Variants in CIITA observed in about 807,000 individuals in gnomAD.
CIITA encodes the protein MHC class II transactivator.
CIITA carries 72 observed loss-of-function variants against 115.1 expected under a neutral mutation model. The ratio of observed to expected loss-of-function variants is 0.63; its 90% confidence interval spans 0.52 to 0.76. CIITA has a LOEUF of 0.76. CIITA is among the 30% of genes least tolerant of loss of function. The pLI is 0.00. For missense variants in CIITA, 1,617 were observed against 1,463.8 expected, an observed-to-expected ratio of 1.10 and a Z score of -1.71; for synonymous variants, 763 against 635.6, an observed-to-expected ratio of 1.20 and a Z score of -3.02.
rs1264905958 is a variant in CIITA, at chr16:10,907,649, C to A, written c.2157C>A (p.Ala719=). ...PSFLLQCFLG[A]LWLALSGEIK... ...TCCTCCTGCAATGCTTCCTGGGGGC[C>A]CTGTGGCTGGCTCTGAGTGGCGAAA... The change falls in exon 11 of 20, where the codon GCC becomes GCA. Residue 719 remains alanine, a synonymous_variant. Transcript: ENST00000324288. This position sits in a 1 kb window ranked among gnomAD's most constrained non-coding sequence, Gnocchi z 5.0. The A allele has an allele frequency of 1.9e-6, 3 of 1,614,228 alleles. No individual in the cohort carries two copies. The highest frequency in any genetic ancestry group is 2.5e-6 in the Non-Finnish European group (3 of 1,180,040).
chr16:10,867,622 G>A (rs746453792), intron 1 of CIITA, among the ~76,000 whole-genome samples: 53 of 152,212 alleles, frequency 3.5e-4, no homozygotes, highest in Non-Finnish European at 6.5e-4. Flanking sequence ...TTTTAAGAGC[G>A]TTGGTGGCAC....
chr16:10,899,874 G>A (rs542179568), intron 5 of CIITA, among the ~76,000 whole-genome samples: 1 of 152,182 alleles, frequency 6.6e-6, no homozygotes, highest in Non-Finnish European at 1.5e-5. Flanking sequence ...GAGGTCAGGA[G>A]TTTGATACCT....
At chr16:10,875,026 T>A (rs147488880), upstream of CIITA, among the ~76,000 whole-genome samples, 855 of 150,078 alleles carry the variant, frequency 5.7e-3, 8 homozygotes, top group African/African-American at 0.02. Context: ...TTGAGTGCAG[T>A]GGCACTATCT....
intron 12 of CIITA, 131 bp from the exon 13 acceptor site, chr16:10,910,057 G>C: frequency 1.4e-6 from 1 of 735,718 alleles, no homozygotes; most frequent in Non-Finnish European, 2.4e-6. Context: ...TTAAGAGGGG[G>C]ACAACAGTTG....
intron 1 of CIITA, among the ~76,000 whole-genome samples, chr16:10,870,285 G>A (rs2035394272): frequency 6.6e-6 from 1 of 150,888 alleles, no homozygotes; most frequent in South Asian, 2.1e-4. Context: ...ACTGAAACCA[G>A]CCTGATGATT....
At chr16:10,904,904 C>G in intron 10 of CIITA, 92 bp downstream of exon 10, 1 of 1,312,636 alleles carries the variant, frequency 7.6e-7, no homozygotes, top group South Asian at 1.2e-5. Context: ...CTTATTCAAC[C>G]CCTTCTTTGT....
Position 10,879,526 on chromosome 16 carries a change from G to T in CIITA, c.52+2144G>T, listed in dbSNP as rs1013052594. On this transcript the variant is annotated intron_variant, in intron 1 of 19. Coordinates refer to ENST00000324288, the MANE Select transcript of CIITA (RefSeq NM_000246.4). The surrounding 1 kb of genome is among the most constrained non-coding windows in gnomAD (Gnocchi z 4.3). ...ATCTTGGGTATTGGGCTCTCCAGGCGGGGGGCCCTGCTCAGGGAGGCAGTA... is the reference window on the plus strand; with the variant it reads ...ATCTTGGGTATTGGGCTCTCCAGGCTGGGGGCCCTGCTCAGGGAGGCAGTA... Among the ~76,000 whole-genome samples the T allele has an allele frequency of 3.3e-5, 5 of 152,016 alleles. No individual in the cohort carries two copies. The highest frequency in any genetic ancestry group is 4.8e-5 in the African/African-American group (2 of 41,406).
In CIITA at chr16:10,879,697, T is replaced by G. The variant is rs941775136; in HGVS notation, c.52+2315T>G. Among the ~76,000 whole-genome samples, 1 of 152,198 alleles carries G rather than the reference T, an allele frequency of 6.6e-6. No individual in the cohort carries two copies. Among genetic ancestry groups the G allele is most frequent in the Non-Finnish European group, 1.5e-5 (1 of 68,020 alleles). ...TGATCTCTCACTTCTCTACCTCGCTTTGGGGCCCTGAGTCACACCCTCTAA... is the reference window on the plus strand; with the variant it reads ...TGATCTCTCACTTCTCTACCTCGCTGTGGGGCCCTGAGTCACACCCTCTAA... On this transcript the variant is annotated intron_variant, in intron 1 of 19. Coordinates refer to ENST00000324288, the MANE Select transcript of CIITA (RefSeq NM_000246.4). The surrounding 1 kb of genome is among the most constrained non-coding windows in gnomAD (Gnocchi z 4.3).
At chr16:10,871,603 G>C (rs1215954817) in intron 1 of CIITA, among the ~76,000 whole-genome samples, 1 of 152,132 alleles carries the variant, frequency 6.6e-6, no homozygotes, top group African/African-American at 2.4e-5. Flanking sequence ...GGATCGCTAA[G>C]CTCCCTTCCT....
intron 12 of CIITA, among the ~76,000 whole-genome samples, chr16:10,909,604 C>G (rs2039418831): frequency 6.6e-6 from 1 of 152,238 alleles, no homozygotes; most frequent in Admixed American, 6.5e-5. Context: ...AACAAGTTAA[C>G]TGTCTTTCAT....
chr16:10,901,200 C>G lies in CIITA; in HGVS notation c.437-314C>G, dbSNP rs2038712602. On this transcript the variant is annotated intron_variant, in intron 5 of 19. Transcript: ENST00000324288. The surrounding 1 kb of genome is among the most constrained non-coding windows in gnomAD (Gnocchi z 6.8). ...GTTCAGAGAAGCTGCATTGCAAAGG[C>G]ACACAGCTAGGAAGCGGTTCAAAAG... Among the ~76,000 whole-genome samples, 1 of 152,218 alleles carries G rather than the reference C, an allele frequency of 6.6e-6. No individual in the cohort carries two copies. The highest frequency in any genetic ancestry group is 2.4e-5 in the African/African-American group (1 of 41,448).
intron 7 of CIITA, among the ~76,000 whole-genome samples, 160 bp downstream of exon 7, chr16:10,902,344 C>A (rs569598615): frequency 1.3e-5 from 2 of 152,172 alleles, no homozygotes; most frequent in Non-Finnish European, 2.9e-5. Context: ...TTGGGGCCCC[C>A]GTCAGCTCAA....
At chr16:10,870,674 T>C (rs1257535192) in intron 1 of CIITA, among the ~76,000 whole-genome samples, 2 of 152,228 alleles carry the variant, frequency 1.3e-5, no homozygotes, top group Non-Finnish European at 2.9e-5. Context: ...CATGTGACCT[T>C]GGCCACATGA....
In CIITA at chr16:10,906,519, C is replaced by T. The variant is rs1257042433; in HGVS notation, c.1027C>T (p.Arg343Cys). ...TGCAGAGCCGGTGGAGCAGTTCTAC[C>T]GCTCACTGCAGGACACGTATGGTGC... ...KWPEPVEQFYRSLQDTYGAEP... is the reference protein window; with the variant it reads ...KWPEPVEQFYCSLQDTYGAEP... Residue 343 changes from arginine to cysteine, a missense_variant, in exon 11 of 20, where the codon CGC becomes TGC. Arg to Cys is a radical substitution (Grantham distance 180). Transcript: ENST00000324288. 16 of 1,611,948 alleles carry T rather than the reference C, an allele frequency of 9.9e-6. No homozygotes were observed. The highest frequency in any genetic ancestry group is 5.3e-5 in the African/African-American group (4 of 74,844).
intron 12 of CIITA, 148 bp downstream of exon 12, chr16:10,909,335 T>A: frequency 1.1e-6 from 1 of 875,136 alleles, no homozygotes; most frequent in East Asian, 2.6e-5. Flanking sequence ...CTAACCAGAG[T>A]CTCTCACTGC....
chr16:10,911,304 C>G (rs2039553441), intron 13 of CIITA, among the ~76,000 whole-genome samples: 1 of 131,772 alleles, frequency 7.6e-6, no homozygotes, highest in Admixed American at 8.1e-5. Context: ...CCTTCCCTCC[C>G]TCCCTCCTTC....
chr16:10,925,926 C>T lies in CIITA; in HGVS notation c.*2071C>T, dbSNP rs1306336819. 2.0e-5 allele frequency: 3 copies of T among 152,222 alleles called. No individual in the cohort carries two copies. The highest frequency in any genetic ancestry group is 6.5e-5 in the Admixed American group (1 of 15,278). 9.4% of individuals were successfully genotyped at this position (152,222 alleles called of 1,614,324 possible). ...GGAGTGAGCTGGTTTTTAGCGGAGA[C>T]GGAGTCCCACCTTGGCTGCAGGGAG... On this transcript the variant is annotated 3_prime_UTR_variant, in exon 20 of 20. Transcript: ENST00000324288.
rs2145292065 is a variant in CIITA at position 10,929,526 on chromosome 16, C to G, written c.*5671C>G. The G allele has an allele frequency of 1.0e-6, 1 of 985,568 alleles. No homozygotes were observed. Among genetic ancestry groups the G allele is most frequent in the East Asian group, 1.1e-4 (1 of 8,816 alleles). 61.1% of individuals were successfully genotyped at this position (985,568 alleles called of 1,614,324 possible). A position where few individuals can be genotyped will look rare whatever the true frequency, so the allele number is the denominator to read the frequency against. ...CTCTCCTGGGTTCAAACAGGAACCTCTCTGTTGGCACGAAGCTTTTGAGGG... is the reference window on the plus strand; with the variant it reads ...CTCTCCTGGGTTCAAACAGGAACCTGTCTGTTGGCACGAAGCTTTTGAGGG... On this transcript the variant is annotated 3_prime_UTR_variant, in exon 20 of 20. Transcript: ENST00000324288. This position sits in a 1 kb window ranked among gnomAD's most constrained non-coding sequence, Gnocchi z 4.3.
intron 10 of CIITA, 80 bp from the exon 11 acceptor site, chr16:10,906,419 G>A: frequency 1.4e-6 from 2 of 1,433,832 alleles, no homozygotes; most frequent in Non-Finnish European, 1.9e-6. Context: ...AAATGATGGT[G>A]GCAGTGCTGG....
Sources: gnomAD v4.1 joint callset for allele counts (sites outside exome capture counted in the v4.1 genomes callset) on GRCh38, gnomAD v4.1.1 for gene constraint, Gnocchi (gnomAD v3.1) non-coding constraint, MANE v1.5 for transcripts, NCBI Gene and HGNC (gene_info 2026-07-23, HGNC 2026-07-21) for gene names.